The following PROCR variants were observed in gnomAD, a reference collection of about 807,000 sequenced individuals.
The protein encoded by PROCR is protein C receptor, also known as endothelial protein C receptor.
A neutral mutation model predicts 24.2 loss-of-function variants in PROCR; 22 were observed. The ratio of observed to expected loss-of-function variants is 0.91; its 90% CI spans 0.65 to 1.30. PROCR has a LOEUF of 1.30. PROCR is among the 50% of genes most tolerant of loss of function. The pLI, the probability that PROCR is intolerant of heterozygous loss-of-function variation, is 0.00. For missense variants in PROCR, 288 were observed against 307.7 expected (o/e 0.94, Z 0.48); for synonymous variants, 137 against 139.2 (o/e 0.98, Z 0.11).
rs2086026829 is a variant in PROCR, at chr20:35,176,944, A to T, written c.*131A>T. ...GGAGTGACAGCTCCTTTCTTCTCCC[A>T]CATCTGCCCACTGAAGATTTGAGGG... On this transcript the variant is annotated 3_prime_UTR_variant, in exon 4 of 4. Coordinates refer to ENST00000216968, the MANE Select transcript of PROCR (RefSeq NM_006404.5). The T allele has an allele frequency of 6.6e-7, 1 of 1,521,078 alleles. No homozygotes were observed. Among genetic ancestry groups the T allele is most frequent in the Admixed American group, 2.0e-5 (1 of 49,694 alleles). The allele number at this position is 1,521,078 out of a possible 1,614,324, so 94.2% of individuals were successfully genotyped here. A position where few individuals can be genotyped will look rare whatever the true frequency, so the allele number is the denominator to read the frequency against.
Position 35,172,240 on chromosome 20 carries a change from A to T in PROCR, c.70+16A>T. 6.2e-7 allele frequency: 1 copy of T among 1,613,496 alleles called. No homozygotes were observed. The highest frequency in any genetic ancestry group is 8.5e-7 in the Non-Finnish European group (1 of 1,179,426). On this transcript the variant is annotated intron_variant, in intron 1 of 3. Transcript: ENST00000216968. ...GCCTCAGATGGTGAGTCGGGGGCAC[A>T]TCTCCTGCCTCAGGATGGTTCTGGA...
chr20:35,184,484 G>A (rs1568594464), intron 1 of PROCR, among the ~76,000 whole-genome samples: 3 of 152,066 alleles, frequency 2.0e-5, no homozygotes, highest in South Asian at 2.1e-4. Flanking sequence ...GGCAGATCAC[G>A]AGGTCAGGAG....
At chr20:35,208,403 C>T (rs1568601526) in intron 1 of PROCR, among the ~76,000 whole-genome samples, 1 of 152,152 alleles carries the variant, frequency 6.6e-6, no homozygotes, top group African/African-American at 2.4e-5. Context: ...CCTGTTTGTC[C>T]TGCAGTGAAG....
intron 1 of PROCR, among the ~76,000 whole-genome samples, chr20:35,193,936 T>G (rs1394052013): frequency 6.6e-6 from 1 of 152,074 alleles, no homozygotes; most frequent in African/African-American, 2.4e-5. Flanking sequence ...CGCCCCAACA[T>G]TTAAAGGCTG....
chr20:35,174,819 C>G lies in PROCR; in HGVS notation c.188C>G (p.Thr63Ser). 1 of 1,614,100 alleles carries G rather than the reference C, an allele frequency of 6.2e-7. No homozygotes were observed. Among genetic ancestry groups the G allele is most frequent in the Non-Finnish European group, 8.5e-7 (1 of 1,180,008 alleles). Residue 63 changes from threonine (T) to serine (S), a missense_variant, in exon 2 of 4, where the codon ACC (threonine) becomes AGC (serine). Coordinates refer to ENST00000216968, the MANE Select transcript of PROCR (RefSeq NM_006404.5). ...ACGCACGTGCTGGAAGGCCCAGACA[C>G]CAACACCACGATCATTCAGCTGCAG... is the stretch of plus-strand genomic sequence containing the variant. ...HLTHVLEGPD[T>S]NTTIIQLQPL...
rs190565967 is a variant in PROCR at position 35,199,586 on chromosome 20, T to A, written c.95-16307T>A. Among the ~76,000 whole-genome samples the A allele has an allele frequency of 1.1e-3, 171 of 151,978 alleles. 1 individual carries two copies. The East Asian group carries it at 0.018, about 16-fold the overall frequency. On this transcript the variant is annotated intron_variant, in intron 1 of 1. Transcript: ENST00000634509. ...CAGCATAGTGAAACCCTGTCTCTAA[T>A]AAAAATGCAGAAATTGGCCGGGCAT...
At chr20:35,202,020 A>C (rs563524078) in intron 1 of PROCR, 1 of 152,350 alleles carries the variant, frequency 6.6e-6, no homozygotes, top group South Asian at 2.1e-4. Context: ...GAAATCAAAA[A>C]GGATATATCA....
At chr20:35,174,501 A>G in intron 1 of PROCR, 1 of 676,574 alleles carries the variant, frequency 1.5e-6, no homozygotes, top group Non-Finnish European at 2.6e-6. Context: ...CCTCATCTGT[A>G]AAACGGAGAT....
intron 1 of PROCR, among the ~76,000 whole-genome samples, chr20:35,206,651 C>T (rs917288771): frequency 6.6e-6 from 1 of 151,986 alleles, no homozygotes; most frequent in Non-Finnish European, 1.5e-5. Context: ...ATTAAAACCA[C>T]AGTAAGGTAT....
At chr20:35,186,712 G>T (rs1327042319) in intron 1 of PROCR, among the ~76,000 whole-genome samples, 1 of 138,700 alleles carries the variant, frequency 7.2e-6, no homozygotes, top group Non-Finnish European at 1.5e-5. Context: ...AATTTGGGAG[G>T]CCAAGGCAGG....
chr20:35,177,847 A>G (rs1197635283), downstream of PROCR, among the ~76,000 whole-genome samples: 2 of 152,172 alleles, frequency 1.3e-5, no homozygotes, highest in Non-Finnish European at 2.9e-5. Context: ...TTTGCGGACT[A>G]GAACTCTCTT....
At chr20:35,197,345 C>T (rs1181718511) in intron 1 of PROCR, among the ~76,000 whole-genome samples, 1 of 152,098 alleles carries the variant, frequency 6.6e-6, no homozygotes, top group African/African-American at 2.4e-5. Flanking sequence ...TGGGGTGTCA[C>T]AAATCACACC....
intron 1 of PROCR, among the ~76,000 whole-genome samples, chr20:35,203,819 A>G (rs1225014010): frequency 6.6e-6 from 1 of 152,074 alleles, no homozygotes; most frequent in Non-Finnish European, 1.5e-5. Flanking sequence ...ATAGCTTTAC[A>G]TGCCTATGAT....
At chr20:35,196,180 CAAAAAAAAAA>C (rs68132775) in intron 1 of PROCR, among the ~76,000 whole-genome samples, 6 of 63,446 alleles carry the variant, frequency 9.5e-5, no homozygotes, top group South Asian at 7.4e-4. Context: ...AGACTGCCTC[CAAAAAAAAAA>C]AAAAAAAAAA....
rs947989677 is a variant in PROCR, at chr20:35,176,208, T to A, written c.363T>A (p.Pro121=). The change falls in exon 3 of 4, where the codon CCT becomes CCA. Residue 121 remains proline (P), a synonymous_variant. Transcript: ENST00000216968. ...GCTGCTTCCTGGGCTGTGAGCTGCC[T>A]CCCGAGGGCTCTAGAGCCCATGTCT... ...TIRCFLGCEL[P]PEGSRAHVFF... The A allele has an allele frequency of 1.2e-6, 2 of 1,614,118 alleles. No individual in the cohort carries two copies. Among genetic ancestry groups the A allele is most frequent in the South Asian group, 2.2e-5 (2 of 91,078 alleles).
chr20:35,173,434 T>TC, intron 1 of PROCR, among the ~76,000 whole-genome samples: 1 of 140,218 alleles, frequency 7.1e-6, no homozygotes, highest in East Asian at 2.0e-4. Flanking sequence ...TTTTTTTTTT[T>TC]TTTTTTTTTT....
At chr20:35,211,212 T>G (rs1302204041) in intron 1 of PROCR, among the ~76,000 whole-genome samples, 1 of 152,144 alleles carries the variant, frequency 6.6e-6, no homozygotes, top group Non-Finnish European at 1.5e-5. Context: ...TGAAAACCAG[T>G]GTTGCAAAGG....
At chr20:35,186,848 G>A (rs2086131938) in intron 1 of PROCR, among the ~76,000 whole-genome samples, 1 of 151,674 alleles carries the variant, frequency 6.6e-6, no homozygotes, top group South Asian at 2.1e-4. Context: ...AGTTACTCGA[G>A]AGGCTAAGGC....
At chr20:35,214,846 C>A (rs571396582) in intron 1 of PROCR, among the ~76,000 whole-genome samples, 164 of 151,682 alleles carry the variant, frequency 1.1e-3, no homozygotes, top group African/African-American at 3.9e-3. Context: ...GGGACCTTCT[C>A]TAGATCCTGA....
Sources: allele counts gnomAD v4.1 joint callset (sites outside exome capture counted in the v4.1 genomes callset), GRCh38; gene constraint gnomAD v4.1.1; transcripts MANE v1.5; gene names NCBI Gene and HGNC (gene_info 2026-07-23, HGNC 2026-07-21).